CNBD1: variants seen among roughly 807,000 people sequenced by gnomAD.
The protein encoded by CNBD1 is cyclic nucleotide-binding domain-containing protein 1.
CNBD1 carries 71 observed loss-of-function variants against 54.4 expected under a neutral mutation model. The observed-to-expected ratio is 1.30, with a 90% CI of 1.08 to 1.59. CNBD1 has a LOEUF of 1.59. Ranked by LOEUF, CNBD1 falls within the 40% of genes most tolerant of loss-of-function variation. The pLI, the probability that CNBD1 is intolerant of heterozygous loss-of-function variation, is 0.00. For synonymous variants in CNBD1, 182 were observed against 170.7 expected, an observed-to-expected ratio of 1.07 and a Z score of -0.51; for missense variants, 659 against 518.0, an observed-to-expected ratio of 1.27 and a Z score of -2.64.
At chr8:87,091,875 A>C (rs1417674306) in intron 4 of CNBD1, among the ~76,000 whole-genome samples, 2 of 152,142 alleles carry the variant, frequency 1.3e-5, no homozygotes, top group Non-Finnish European at 2.9e-5. Context: ...TATATAGGAC[A>C]TGTGTGTCTA....
At chr8:87,282,126 T>G (rs1223185470) in intron 6 of CNBD1, among the ~76,000 whole-genome samples, 3 of 151,754 alleles carry the variant, frequency 2.0e-5, no homozygotes, top group Non-Finnish European at 4.4e-5. Flanking sequence ...TCATTGTACT[T>G]TTTTTCAACT....
intron 2 of CNBD1, among the ~76,000 whole-genome samples, chr8:87,424,783 C>G (rs1340075290): frequency 6.6e-6 from 1 of 152,182 alleles, no homozygotes; most frequent in African/African-American, 2.4e-5. Context: ...TTTGGTGAAT[C>G]TGACAATTAT....
intron 6 of CNBD1, among the ~76,000 whole-genome samples, chr8:87,248,125 C>G (rs1052381065): frequency 1.4e-4 from 22 of 152,202 alleles, no homozygotes; most frequent in African/African-American, 4.8e-4. Context: ...GCACATCCTC[C>G]TGAAAAATAT....
chr8:87,267,069 G>C (rs1351083764), intron 6 of CNBD1, among the ~76,000 whole-genome samples: 2 of 152,058 alleles, frequency 1.3e-5, no homozygotes, highest in South Asian at 2.1e-4. Context: ...TAAATGAAAA[G>C]ACAAGGCACA....
chr8:87,183,191 T>C (rs1813393219), intron 4 of CNBD1, among the ~76,000 whole-genome samples: 1 of 152,138 alleles, frequency 6.6e-6, no homozygotes, highest in Non-Finnish European at 1.5e-5. Context: ...GTTGACTTTG[T>C]CAAAGAACAG....
rs894040798 is a variant in CNBD1 at position 86,991,396 on chromosome 8, C to G, written c.431+51642C>G. On this transcript the variant is annotated intron_variant, in intron 4 of 10. Coordinates refer to ENST00000518476, the MANE Select transcript of CNBD1 (RefSeq NM_173538.3). ...TCTCTGACACACACTCTCTCTGTCT[C>G]TCTCTCTCTCTCTCTTTTGTTAATC... Among the ~76,000 whole-genome samples the G allele has an allele frequency of 2.6e-5, 4 of 151,954 alleles. 1 individual carries two copies. Among genetic ancestry groups the G allele is most frequent in the East Asian group, 3.9e-4 (2 of 5,174 alleles).
rs148845855 is a variant in CNBD1, at chr8:86,997,673, A to T, written c.431+57919A>T. Among the ~76,000 whole-genome samples, 442 of 152,292 alleles carry T rather than the reference A, an allele frequency of 2.9e-3. 3 individuals are homozygous for T. Among genetic ancestry groups the T allele is most frequent in the African/African-American group, 0.01 (426 of 41,578 alleles). On this transcript the variant is annotated intron_variant, in intron 4 of 10. Coordinates refer to ENST00000518476, the MANE Select transcript of CNBD1 (RefSeq NM_173538.3). ...AGGGCTTGTAAAAACCACAGGAGAC[A>T]GCAGATGTCTTCTGATATGACCTTT...
intron 5 of CNBD1, among the ~76,000 whole-genome samples, chr8:87,233,603 G>A (rs1338250847): frequency 6.6e-6 from 1 of 152,122 alleles, no homozygotes; most frequent in East Asian, 1.9e-4. Flanking sequence ...AGGCTGGAGG[G>A]TGCTGAAGAT....
intron 4 of CNBD1, among the ~76,000 whole-genome samples, chr8:87,009,467 A>AT (rs1192709398): frequency 2.0e-5 from 3 of 151,318 alleles, no homozygotes; most frequent in Non-Finnish European, 4.4e-5. Context: ...CACCCGGCTA[A>AT]TTTTTTTTAT....
intron 4 of CNBD1, among the ~76,000 whole-genome samples, chr8:87,100,011 G>A (rs1308250564): frequency 1.3e-5 from 2 of 152,168 alleles, no homozygotes; most frequent in African/African-American, 4.8e-5. Context: ...CAGAAAAACA[G>A]CCTAAAAAGA....
chr8:87,057,872 C>A (rs1810454243), intron 4 of CNBD1, among the ~76,000 whole-genome samples: 1 of 152,014 alleles, frequency 6.6e-6, no homozygotes, highest in Non-Finnish European at 1.5e-5. Context: ...CAAAGACACA[C>A]ACACACACAC....
chr8:86,885,417 C>T (rs145553505), intron 1 of CNBD1, among the ~76,000 whole-genome samples: 2 of 152,144 alleles, frequency 1.3e-5, no homozygotes, highest in Non-Finnish European at 2.9e-5. Context: ...CAAATATACT[C>T]TAGTCTAAAC....
At chr8:87,019,924 T>A (rs576341488) in intron 4 of CNBD1, among the ~76,000 whole-genome samples, 1 of 152,102 alleles carries the variant, frequency 6.6e-6, no homozygotes, top group African/African-American at 2.4e-5. Flanking sequence ...TTAATGTTGG[T>A]CCTACAATTC....
chr8:87,265,499 A>G lies in CNBD1; in HGVS notation c.772-19179A>G, dbSNP rs1000673322. On this transcript the variant is annotated intron_variant, in intron 6 of 10. Transcript: ENST00000518476. Reference sequence around the variant, plus strand: ...GGCAATATGGGCTGTTTTTTGCTTAAATGTTAAAAAGTATTTTTCACATAA... The same window carrying G: ...GGCAATATGGGCTGTTTTTTGCTTAGATGTTAAAAAGTATTTTTCACATAA... Among the ~76,000 whole-genome samples the G allele has an allele frequency of 2.0e-5, 3 of 152,132 alleles. No individual in the cohort carries two copies. The East Asian group carries it at 5.8e-4, about 29-fold the overall frequency.
At chr8:86,917,204 A>C (rs919131175) in intron 3 of CNBD1, among the ~76,000 whole-genome samples, 1 of 152,172 alleles carries the variant, frequency 6.6e-6, no homozygotes, top group Non-Finnish European at 1.5e-5. Context: ...TAGGACAATG[A>C]TAATCAACTT....
intron 6 of CNBD1, among the ~76,000 whole-genome samples, chr8:87,240,513 G>T (rs557821642): frequency 6.6e-6 from 1 of 151,980 alleles, no homozygotes; most frequent in South Asian, 2.1e-4. Context: ...ACTCTTTTTG[G>T]TCTTACAAAT....
intron 4 of CNBD1, among the ~76,000 whole-genome samples, chr8:86,944,803 A>G (rs1412587540): frequency 1.3e-5 from 2 of 152,190 alleles, no homozygotes; most frequent in Non-Finnish European, 2.9e-5. Context: ...TCATGTGTGG[A>G]TGCCAAAAGG....
intron 6 of CNBD1, among the ~76,000 whole-genome samples, chr8:87,269,657 A>G (rs1020852390): frequency 5.3e-5 from 8 of 151,994 alleles, no homozygotes; most frequent in Non-Finnish European, 1.2e-4. Flanking sequence ...CTGCATTCCT[A>G]TGTGTTTTAC....
intron 10 of CNBD1, among the ~76,000 whole-genome samples, chr8:87,358,657 C>T (rs1021072894): frequency 2.6e-5 from 4 of 151,944 alleles, no homozygotes; most frequent in African/African-American, 4.8e-5. Context: ...ACACAAAGTC[C>T]CATGATATGC....
Sources: allele counts gnomAD v4.1 joint callset (sites outside exome capture counted in the v4.1 genomes callset), GRCh38; gene constraint gnomAD v4.1.1; transcripts MANE v1.5; gene names NCBI Gene and HGNC (gene_info 2026-07-23, HGNC 2026-07-21).